The following XKR9 variants were observed in gnomAD, a reference collection of about 807,000 sequenced individuals.
XKR9 encodes XK related 9.
XKR9 carries 32 observed loss-of-function variants against 32.0 expected under a neutral mutation model. That is an observed-to-expected ratio of 1.00 (90% confidence interval 0.76 to 1.34). The LOEUF (loss-of-function observed/expected upper bound fraction) is 1.34, where lower values mean the gene tolerates loss of function less well. XKR9 is among the 40% of genes most tolerant of loss of function. The probability of loss-of-function intolerance (pLI) is 0.00; values close to 1 mark genes in which losing one functional copy is unlikely to be tolerated. For synonymous variants in XKR9, 168 were observed against 143.4 expected (o/e 1.17, Z -1.22); for missense variants, 546 against 429.7 (o/e 1.27, Z -2.39).
chr8:70,786,410 T>A (rs748936848), intron 2 of XKR9, among the ~76,000 whole-genome samples: 9 of 152,188 alleles, frequency 5.9e-5, no homozygotes, highest in Non-Finnish European at 1.2e-4. Context: ...TGTGATTTAT[T>A]TCTCCCTTCA....
intron 2 of XKR9, among the ~76,000 whole-genome samples, chr8:70,679,152 C>T (rs1818982701): frequency 6.6e-6 from 1 of 152,048 alleles, no homozygotes; most frequent in Non-Finnish European, 1.5e-5. Context: ...AACTCCAGTC[C>T]TATTGCATCA....
At chr8:70,690,278 G>A (rs1819464073) in intron 3 of XKR9, among the ~76,000 whole-genome samples, 2 of 151,976 alleles carry the variant, frequency 1.3e-5, no homozygotes, top group Non-Finnish European at 1.5e-5. Context: ...TCAAGTAGAT[G>A]CGTGTCAGTG....
intron 4 of XKR9, among the ~76,000 whole-genome samples, chr8:70,730,727 C>T (rs1053679517): frequency 3.9e-5 from 6 of 152,032 alleles, no homozygotes; most frequent in African/African-American, 7.2e-5. Context: ...GAAATTATTC[C>T]GGAAGCCAAG....
chr8:70,761,229 G>T (rs1807304704), intron 2 of XKR9, among the ~76,000 whole-genome samples: 1 of 152,210 alleles, frequency 6.6e-6, no homozygotes, highest in African/African-American at 2.4e-5. Flanking sequence ...TATATACCCA[G>T]TAATGGGATT....
the XKR9 span, among the ~76,000 whole-genome samples, chr8:71,064,619 G>A: frequency 6.6e-6 from 1 of 151,926 alleles, no homozygotes; most frequent in African/African-American, 2.4e-5. Context: ...AAATACATGT[G>A]CTTTTGGCAC....
At chr8:70,928,586 A>G in the XKR9 span, among the ~76,000 whole-genome samples, 1 of 152,114 alleles carries the variant, frequency 6.6e-6, no homozygotes, top group Non-Finnish European at 1.5e-5. Context: ...CATATACTTT[A>G]GTTGATATCT....
chr8:70,924,133 A>C, the XKR9 span, among the ~76,000 whole-genome samples: 2 of 152,210 alleles, frequency 1.3e-5, no homozygotes, highest in African/African-American at 4.8e-5. Flanking sequence ...ACAACCAACT[A>C]TTGCAAGATG....
chr8:70,877,333 A>G, the XKR9 span, among the ~76,000 whole-genome samples: 2 of 152,186 alleles, frequency 1.3e-5, no homozygotes, highest in African/African-American at 4.8e-5. Context: ...TCAAGTAGTT[A>G]CTATTTTCAT....
chr8:71,058,715 C>T, the XKR9 span, among the ~76,000 whole-genome samples: 1 of 152,184 alleles, frequency 6.6e-6, no homozygotes, highest in Admixed American at 6.5e-5. Flanking sequence ...ATGTTTATTT[C>T]TTACATCTCA....
chr8:70,731,428 G>A (rs184196681), intron 4 of XKR9, among the ~76,000 whole-genome samples: 103 of 152,224 alleles, frequency 6.8e-4, no homozygotes, highest in African/African-American at 2.4e-3. Context: ...CATAGCTGTG[G>A]GGTTCAAGCC....
chr8:71,028,371 TTAGTG>T, the XKR9 span, among the ~76,000 whole-genome samples: 1 of 152,168 alleles, frequency 6.6e-6, no homozygotes, highest in South Asian at 2.1e-4. Context: ...TAGTTTGTTA[TTAGTG>T]TAAAGAAATG....
intron 2 of XKR9, among the ~76,000 whole-genome samples, chr8:70,755,377 A>T (rs1486182429): frequency 2.6e-5 from 4 of 152,220 alleles, no homozygotes; most frequent in Non-Finnish European, 5.9e-5. Flanking sequence ...TAGAACTAGA[A>T]ATACCATTTG....
chr8:71,060,726 A>G, the XKR9 span, among the ~76,000 whole-genome samples: 16 of 152,206 alleles, frequency 1.1e-4, no homozygotes, highest in African/African-American at 3.9e-4. Context: ...TCTGAGAGCC[A>G]ATTGATAAAT....
At chr8:70,679,584 A>G (rs906105881) in intron 2 of XKR9, among the ~76,000 whole-genome samples, 3 of 152,208 alleles carry the variant, frequency 2.0e-5, no homozygotes, top group Admixed American at 1.3e-4. Flanking sequence ...AGCATGCCCC[A>G]TCTAAAGGGG....
At chr8:70,696,241 A>T (rs1482733314) in intron 3 of XKR9, among the ~76,000 whole-genome samples, 2 of 152,014 alleles carry the variant, frequency 1.3e-5, no homozygotes, top group African/African-American at 4.8e-5. Context: ...GGTGTTTTAG[A>T]CATGAAGTCC....
intron 2 of XKR9, among the ~76,000 whole-genome samples, chr8:70,744,553 C>T (rs2130170701): frequency 6.6e-6 from 1 of 152,240 alleles, no homozygotes; most frequent in South Asian, 2.1e-4. Context: ...TGAAACCATG[C>T]TATCTTTATC....
At chr8:70,962,074 G>A in the XKR9 span, among the ~76,000 whole-genome samples, 1 of 152,060 alleles carries the variant, frequency 6.6e-6, no homozygotes, top group Non-Finnish European at 1.5e-5. Context: ...TTAGACAATG[G>A]TATCTAGAGT....
At chr8:70,783,520 GC>G (rs1188633685) in intron 2 of XKR9, among the ~76,000 whole-genome samples, 3 of 152,050 alleles carry the variant, frequency 2.0e-5, no homozygotes, top group Non-Finnish European at 4.4e-5. Context: ...GTCTATTTAG[GC>G]CCCATGCCCA....
chr8:70,780,156 C>T (rs766115580), intron 2 of XKR9, among the ~76,000 whole-genome samples: 2 of 151,586 alleles, frequency 1.3e-5, no homozygotes, highest in Non-Finnish European at 2.9e-5. Context: ...TCTTTTTTAT[C>T]TAAAGGTTTT....
Sources: gnomAD v4.1 joint callset for allele counts (sites outside exome capture counted in the v4.1 genomes callset) on GRCh38, gnomAD v4.1.1 for gene constraint, MANE v1.5 for transcripts, NCBI Gene and HGNC (gene_info 2026-07-23, HGNC 2026-07-21) for gene names.